CLYBL: variants seen among roughly 807,000 people sequenced by gnomAD.
CLYBL encodes citramalyl-CoA lyase.
A neutral mutation model predicts 38.9 loss-of-function variants in CLYBL; 31 were observed. The ratio of observed to expected loss-of-function variants is 0.80; its 90% CI spans 0.60 to 1.08. CLYBL has a LOEUF of 1.08. Among genes scored for constraint, CLYBL ranks in the 50% least tolerant of loss-of-function variants. CLYBL has a pLI of 0.00. For synonymous variants in CLYBL, 171 were observed against 158.6 expected, an observed-to-expected ratio of 1.08 and a Z score of -0.59; for missense variants, 434 against 411.6, an observed-to-expected ratio of 1.05 and a Z score of -0.47.
At chr13:99,824,877 CCT>C (rs552382972) in intron 2 of CLYBL, among the ~76,000 whole-genome samples, 203 of 152,256 alleles carry the variant, frequency 1.3e-3, no homozygotes, top group African/African-American at 4.7e-3. Context: ...CGAATTTTTC[CCT>C]CATTATTTGT....
At chr13:99,852,419 A>AT (rs1214226906) in intron 2 of CLYBL, among the ~76,000 whole-genome samples, 2 of 152,130 alleles carry the variant, frequency 1.3e-5, no homozygotes, top group Non-Finnish European at 2.9e-5. Flanking sequence ...TCTAAAATTG[A>AT]TTGTGGTAAT....
chr13:99,627,274 TAAAG>T (rs764190874), intron 1 of CLYBL, among the ~76,000 whole-genome samples: 7 of 152,254 alleles, frequency 4.6e-5, no homozygotes, highest in East Asian at 1.9e-4. Context: ...ATAAAATACT[TAAAG>T]AAAGCGTTGA....
At chr13:99,830,074 C>T (rs1566344530) in intron 2 of CLYBL, among the ~76,000 whole-genome samples, 1 of 152,066 alleles carries the variant, frequency 6.6e-6, no homozygotes. Context: ...TGGCTCTCCC[C>T]CCGGCATCAG....
intron 1 of CLYBL, 86 bp downstream of exon 1, chr13:99,606,843 C>T (rs1436157100): frequency 3.1e-5 from 40 of 1,293,686 alleles, no homozygotes; most frequent in Non-Finnish European, 3.6e-5. Context: ...CGGGCGCGGC[C>T]TCCCCAAGCC....
Position 99,721,497 on chromosome 13 carries a change from CTT to C in CLYBL, c.63-51325_63-51324del, listed in dbSNP as rs1030846752. On this transcript the variant is annotated intron_variant, in intron 1 of 8. Transcript: ENST00000339105. ...AATATATATATATATTTTTATTACA[CTT>C]TAAGTTCTAGGGTACATGTGCACAA... Among the ~76,000 whole-genome samples, 147 of 150,536 alleles carry C rather than the reference CTT, an allele frequency of 9.8e-4. 1 individual carries two copies. The highest frequency in any genetic ancestry group is 1.0e-3 in the Non-Finnish European group (70 of 67,746).
intron 2 of CLYBL, among the ~76,000 whole-genome samples, chr13:99,816,819 TTTGTTATAG>T (rs1170957244): frequency 2.0e-5 from 3 of 152,200 alleles, no homozygotes; most frequent in Non-Finnish European, 4.4e-5. Flanking sequence ...TCTATGGTAT[TTTGTTATAG>T]AAGCCCACAT....
At chr13:99,681,961 A>G (rs1348478978) in intron 1 of CLYBL, among the ~76,000 whole-genome samples, 1 of 152,034 alleles carries the variant, frequency 6.6e-6, no homozygotes, top group Non-Finnish European at 1.5e-5. Flanking sequence ...TGAGAAATGC[A>G]TCCTTAGGCA....
intron 8 of CLYBL, among the ~76,000 whole-genome samples, chr13:99,904,345 T>C (rs564432092): frequency 6.6e-6 from 1 of 152,174 alleles, no homozygotes; most frequent in Admixed American, 6.5e-5. Context: ...AGGGACAACA[T>C]TGTAACATGA....
chr13:99,658,216 CT>C (rs1269583885), intron 1 of CLYBL, among the ~76,000 whole-genome samples: 1 of 152,266 alleles, frequency 6.6e-6, no homozygotes, highest in East Asian at 1.9e-4. Flanking sequence ...ATGGCGCCCC[CT>C]CCTACCCTTT....
At chr13:99,885,867 G>A (rs1045864773) in intron 7 of CLYBL, among the ~76,000 whole-genome samples, 3 of 152,132 alleles carry the variant, frequency 2.0e-5, no homozygotes, top group Non-Finnish European at 2.9e-5. Flanking sequence ...TGTTGACCTC[G>A]TAGGTAAGGA....
At position 99,840,769 on chromosome 13, in the gene CLYBL, AAAAAAAAAAAAG is replaced by A. The variant is rs1274123189; in HGVS notation, c.250-18091_250-18080del. 3.5e-4 allele frequency among the ~76,000 whole-genome samples: 52 copies of A among 148,212 alleles called. 1 individual carries two copies. Among genetic ancestry groups the A allele is most frequent in the African/African-American group, 7.6e-4 (30 of 39,408 alleles). ...TTGTCTCAAAAAAAAAAAAAAAAAAAAAAAAAAAAAAGGGTTACATATGCATATGAAAAAAGG... is the reference window on the plus strand; with the variant it reads ...TTGTCTCAAAAAAAAAAAAAAAAAAAGGTTACATATGCATATGAAAAAAGG... On this transcript the variant is annotated intron_variant, in intron 2 of 8. Coordinates refer to ENST00000339105, the MANE Select transcript of CLYBL (RefSeq NM_206808.5).
At chr13:99,838,257 T>A (rs9554641) in intron 2 of CLYBL, among the ~76,000 whole-genome samples, 85,987 of 152,050 alleles carry the variant, frequency 0.57, 24,552 homozygotes, top group African/African-American at 0.63. Flanking sequence ...ATAAGATGCA[T>A]AGTAAGTTGA....
At chr13:99,847,891 A>G (rs2051243916) in intron 2 of CLYBL, among the ~76,000 whole-genome samples, 1 of 152,190 alleles carries the variant, frequency 6.6e-6, no homozygotes, top group Admixed American at 6.5e-5. Context: ...CCCCAATGGA[A>G]CGGAGCGTCA....
Position 99,747,630 on chromosome 13 carries a change from G to A in CLYBL, c.63-25194G>A, listed in dbSNP as rs191156670. 1.1e-3 allele frequency among the ~76,000 whole-genome samples: 166 copies of A among 152,292 alleles called. 1 individual carries two copies. The highest frequency in any genetic ancestry group is 3.6e-3 in the African/African-American group (150 of 41,570). On this transcript the variant is annotated intron_variant, in intron 1 of 8. Coordinates refer to ENST00000339105, the MANE Select transcript of CLYBL (RefSeq NM_206808.5). The stretch of plus-strand genomic sequence containing the variant: ...GGATTCATGAATGGTCACCACAGTG[G>A]TATGGGTCTTCCTGTTCCTGGGACT...
At position 99,767,478 on chromosome 13, in the gene CLYBL, G is replaced by A. The variant is rs117372175; in HGVS notation, c.63-5346G>A. On this transcript the variant is annotated intron_variant, in intron 1 of 8. Coordinates refer to ENST00000339105, the MANE Select transcript of CLYBL (RefSeq NM_206808.5). Reference sequence around the variant, plus strand: ...AGTTCATTTAACTTCTTGGATGTTTGTATTCAAGTCTTTCACCAAATTTGG... The same window carrying A: ...AGTTCATTTAACTTCTTGGATGTTTATATTCAAGTCTTTCACCAAATTTGG... 3.1e-3 allele frequency among the ~76,000 whole-genome samples: 472 copies of A among 152,258 alleles called. 1 individual carries two copies. The highest frequency in any genetic ancestry group is 5.8e-3 in the Non-Finnish European group (392 of 68,006).
intron 1 of CLYBL, among the ~76,000 whole-genome samples, chr13:99,764,726 G>C (rs1011470860): frequency 2.0e-5 from 3 of 152,070 alleles, no homozygotes; most frequent in Non-Finnish European, 4.4e-5. Context: ...GCCCAGGCTA[G>C]AGTGCAGTGA....
chr13:99,606,900 C>G, intron 1 of CLYBL, 143 bp downstream of exon 1: 1 of 1,257,354 alleles, frequency 8.0e-7, no homozygotes, highest in Non-Finnish European at 1.0e-6. Context: ...CTCCCACGCG[C>G]TGGCTCGACC....
chr13:99,840,750 CAAAAAAAAAA>C (rs59274056), intron 2 of CLYBL, among the ~76,000 whole-genome samples: 6 of 16,810 alleles, frequency 3.6e-4, no homozygotes, highest in Admixed American at 1.2e-3. Context: ...ACCCTTGTCT[CAAAAAAAAAA>C]AAAAAAAAAA....
intron 2 of CLYBL, among the ~76,000 whole-genome samples, chr13:99,855,337 C>T (rs994273106): frequency 2.7e-4 from 41 of 152,264 alleles, no homozygotes; most frequent in Admixed American, 2.0e-4. Flanking sequence ...CCTTAATTTC[C>T]TTTTTCTCCT....
Sources: gnomAD v4.1 joint callset for allele counts (sites outside exome capture counted in the v4.1 genomes callset) on GRCh38, gnomAD v4.1.1 for gene constraint, MANE v1.5 for transcripts, NCBI Gene and HGNC (gene_info 2026-07-23, HGNC 2026-07-21) for gene names.